The following PHF14 variants were observed in gnomAD, a reference collection of about 807,000 sequenced individuals.
The protein encoded by PHF14 is PHD finger protein 14.
In PHF14, 55 loss-of-function variants were observed where a neutral mutation model predicts 117.9. The observed-to-expected ratio is 0.47, with a 90% CI of 0.38 to 0.58. The LOEUF is 0.58. PHF14 is among the 20% of genes least tolerant of loss of function. PHF14 has a pLI of 0.00. For missense variants in PHF14, 978 were observed against 1,122.2 expected (o/e 0.87, Z 1.84); for synonymous variants, 409 against 368.6 (o/e 1.11, Z -1.26).
At chr7:10,981,947 A>G (rs1782056940) in intron 2 of PHF14, among the ~76,000 whole-genome samples, 1 of 152,218 alleles carries the variant, frequency 6.6e-6, no homozygotes, top group Non-Finnish European at 1.5e-5. Flanking sequence ...CTCAATACTT[A>G]CAAGTCCATA....
chr7:11,024,074 G>A (rs763625591), intron 6 of PHF14, among the ~76,000 whole-genome samples: 18 of 152,182 alleles, frequency 1.2e-4, no homozygotes, highest in Non-Finnish European at 2.5e-4. Flanking sequence ...GCAAACACAT[G>A]AATGATAAGA....
chr7:11,086,765 A>G (rs1368741170), intron 16 of PHF14, among the ~76,000 whole-genome samples: 2 of 152,114 alleles, frequency 1.3e-5, no homozygotes, highest in African/African-American at 4.8e-5. Context: ...TTAGATTGGA[A>G]TGGTAGTTTT....
At chr7:10,984,312 T>A (rs967013633) in intron 3 of PHF14, among the ~76,000 whole-genome samples, 2 of 152,142 alleles carry the variant, frequency 1.3e-5, no homozygotes, top group African/African-American at 4.8e-5. Context: ...CAGTTTATAT[T>A]TGGATTATAA....
At chr7:11,106,187 T>C (rs1787255031) in intron 16 of PHF14, 1 of 980,556 alleles carries the variant, frequency 1.0e-6, no homozygotes, top group South Asian at 4.7e-5. Flanking sequence ...CAGATATAGC[T>C]AACTGAATTG....
chr7:11,033,585 T>C (rs887617768), intron 7 of PHF14, among the ~76,000 whole-genome samples: 23 of 152,148 alleles, frequency 1.5e-4, no homozygotes, highest in African/African-American at 5.1e-4. Flanking sequence ...TAAAAACTCA[T>C]AGGGGTCTAG....
At chr7:11,146,466 C>T (rs565531100) in intron 17 of PHF14, among the ~76,000 whole-genome samples, 6 of 152,242 alleles carry the variant, frequency 3.9e-5, no homozygotes, top group East Asian at 1.9e-4. Flanking sequence ...ATTTCTTCAC[C>T]TCCATGTCTC....
chr7:11,122,350 TATACAC>T (rs1375641289), intron 17 of PHF14, among the ~76,000 whole-genome samples: 3 of 63,092 alleles, frequency 4.8e-5, no homozygotes, highest in South Asian at 5.0e-4. Context: ...TATATATATA[TATACAC>T]ACACACACAC....
chr7:11,039,436 T>TA (rs567980391), intron 11 of PHF14, among the ~76,000 whole-genome samples: 135 of 152,286 alleles, frequency 8.9e-4, no homozygotes, highest in Non-Finnish European at 1.6e-3. Context: ...TTTAGTCTGT[T>TA]AAAGTTTTTG....
chr7:11,043,997 A>C (rs574766793), intron 13 of PHF14, among the ~76,000 whole-genome samples: 11 of 152,266 alleles, frequency 7.2e-5, no homozygotes, highest in East Asian at 5.8e-4. Flanking sequence ...GCTAAAAAAA[A>C]ACACACACAA....
At position 10,982,514 on chromosome 7, in the gene PHF14, A is replaced by G. The variant is rs760709739; in HGVS notation, c.255A>G (p.Ala85=). 1.2e-5 allele frequency: 18 copies of G among 1,545,588 alleles called. No individual in the cohort carries two copies. The highest frequency in any genetic ancestry group is 6.8e-5 in the African/African-American group (5 of 73,142). ...AAGAAGAACAACTTAAAAATTCTGC[A>G]GAGGAAGAAGTACTATCATCAGAAA... ...KVKEEQLKNS[A]EEEVLSSEKQ... is the part of the protein sequence containing the mutation. The change falls in exon 3 of 18, where the codon GCA becomes GCG. Residue 85 remains alanine, a synonymous_variant. Coordinates refer to ENST00000634607, the MANE Select transcript of PHF14 (RefSeq NM_001007157.2).
chr7:11,128,385 T>A (rs7811934), intron 17 of PHF14, among the ~76,000 whole-genome samples: 3 of 151,682 alleles, frequency 2.0e-5, no homozygotes, highest in African/African-American at 7.3e-5. Context: ...TTTGTTATTT[T>A]CCCTACTTCA....
intron 16 of PHF14, among the ~76,000 whole-genome samples, chr7:11,090,444 T>G (rs1786600476): frequency 6.6e-6 from 1 of 152,230 alleles, no homozygotes; most frequent in African/African-American, 2.4e-5. Flanking sequence ...GACCCATATT[T>G]TCCTTTTCAG....
chr7:11,110,632 G>A, intron 16 of PHF14: 1 of 532,064 alleles, frequency 1.9e-6, no homozygotes, highest in Non-Finnish European at 2.4e-6. Context: ...GTACTAGGAA[G>A]TACTTTGTAA....
At chr7:11,046,364 C>T (rs1237031059) in intron 13 of PHF14, among the ~76,000 whole-genome samples, 1 of 152,050 alleles carries the variant, frequency 6.6e-6, no homozygotes, top group Non-Finnish European at 1.5e-5. Context: ...GTTGCCTTTT[C>T]CAATTGTTTG....
chr7:11,038,762 A>G lies in PHF14; in HGVS notation c.1983A>G (p.Leu661=), dbSNP rs1420044829. 3.3e-6 allele frequency: 5 copies of G among 1,509,406 alleles called. No individual in the cohort carries two copies. The highest frequency in any genetic ancestry group is 3.6e-6 in the Non-Finnish European group (4 of 1,096,942). The allele number at this position is 1,509,406 out of a possible 1,614,324, so 93.5% of individuals were successfully genotyped here. The change falls in exon 11 of 18, where the codon CTA becomes CTG. Residue 661 remains leucine (L), a splice_region_variant and synonymous_variant. Transcript: ENST00000634607. ...QEKLHVEYNK[L]CESLEELQNL... ...TACTAATTTGGCTTACTTTGTAGCTATGTGAATCTTTAGAAGAACTACAAA... is the reference window on the plus strand; with the variant it reads ...TACTAATTTGGCTTACTTTGTAGCTGTGTGAATCTTTAGAAGAACTACAAA...
chr7:10,994,123 T>A (rs1782550901), intron 4 of PHF14, among the ~76,000 whole-genome samples: 1 of 151,884 alleles, frequency 6.6e-6, no homozygotes, highest in Non-Finnish European at 1.5e-5. Context: ...GAACGAGCAC[T>A]GCAAGTGGAG....
intron 16 of PHF14, chr7:11,103,661 G>A: frequency 1.0e-6 from 1 of 985,052 alleles, no homozygotes; most frequent in South Asian, 4.7e-5. Context: ...CATCTTTTCG[G>A]GTATAGTGAC....
At chr7:11,077,168 C>T (rs1448245084) in intron 16 of PHF14, among the ~76,000 whole-genome samples, 1 of 151,820 alleles carries the variant, frequency 6.6e-6, no homozygotes, top group African/African-American at 2.4e-5. Context: ...CTTTTGTAGT[C>T]CCTTTGTCTT....
At chr7:11,108,832 A>G (rs994997016) in intron 16 of PHF14, 9 of 151,820 alleles carry the variant, frequency 5.9e-5, no homozygotes, top group Non-Finnish European at 1.2e-4. Flanking sequence ...GTGATAAATA[A>G]TGAATTATGA....
Sources: gnomAD v4.1 joint callset for allele counts (sites outside exome capture counted in the v4.1 genomes callset) on GRCh38, gnomAD v4.1.1 for gene constraint, MANE v1.5 for transcripts, NCBI Gene and HGNC (gene_info 2026-07-23, HGNC 2026-07-21) for gene names.